The following NWD2 variants were observed in gnomAD, a reference collection of about 807,000 sequenced individuals.
The protein encoded by NWD2 is NACHT and WD repeat domain containing 2.
Under a neutral mutation model 132.7 loss-of-function variants are expected in NWD2, and 37 were observed. The observed-to-expected ratio is 0.28, with a 90% confidence interval of 0.21 to 0.37. NWD2 has a LOEUF of 0.37. Among genes scored for constraint, NWD2 ranks in the 10% least tolerant of loss-of-function variants. The pLI is 1.00. For synonymous variants in NWD2, 705 were observed against 803.0 expected (o/e 0.88, Z 2.06); for missense variants, 1,592 against 2,122.4 (o/e 0.75, Z 4.91).
chr4:37,337,017 G>C (rs964553616), intron 2 of NWD2, among the ~76,000 whole-genome samples: 1 of 149,794 alleles, frequency 6.7e-6, no homozygotes, highest in Non-Finnish European at 1.5e-5. Context: ...TCTTCTATCT[G>C]ACTGCTTTTG....
chr4:37,357,670 C>T (rs574747059), intron 3 of NWD2, among the ~76,000 whole-genome samples: 2 of 152,166 alleles, frequency 1.3e-5, no homozygotes, highest in South Asian at 4.1e-4. Context: ...TTTCCCGGAG[C>T]TTACATTCTA....
chr4:37,311,645 C>T lies in NWD2; in HGVS notation c.152-14291C>T, dbSNP rs900770834. Among the ~76,000 whole-genome samples the T allele has an allele frequency of 2.9e-4, 43 of 148,038 alleles. 1 individual carries two copies. Among genetic ancestry groups the T allele is most frequent in the East Asian group, 8.0e-4 (4 of 5,018 alleles). On this transcript the variant is annotated intron_variant, in intron 1 of 6. Transcript: ENST00000309447. The stretch of plus-strand genomic sequence containing the variant: ...CAGAAGCTCTTTAGTTTAATTAGAT[C>T]CCATTTGTCAATTTTGGCTTTTGTT...
At chr4:37,359,892 G>C (rs1719945247) in intron 3 of NWD2, among the ~76,000 whole-genome samples, 1 of 152,220 alleles carries the variant, frequency 6.6e-6, no homozygotes, top group Non-Finnish European at 1.5e-5. Context: ...AGGTGCTAGA[G>C]TGAGGGAGCC....
chr4:37,409,986 T>A (rs1721121446), intron 3 of NWD2, among the ~76,000 whole-genome samples: 1 of 152,174 alleles, frequency 6.6e-6, no homozygotes, highest in Non-Finnish European at 1.5e-5. Context: ...AGGCCTGCCT[T>A]ACAAGAGCTC....
intron 1 of NWD2, among the ~76,000 whole-genome samples, chr4:37,311,383 A>G (rs1278205517): frequency 6.6e-6 from 1 of 151,960 alleles, no homozygotes; most frequent in East Asian, 1.9e-4. Flanking sequence ...TCTGATGGCC[A>G]GTGATGATGA....
intron 5 of NWD2, among the ~76,000 whole-genome samples, chr4:37,434,916 G>T (rs893993124): frequency 6.6e-6 from 1 of 151,832 alleles, no homozygotes; most frequent in African/African-American, 2.4e-5. Context: ...CAAGGGATTT[G>T]GTAGGATCTA....
At chr4:37,269,170 A>C (rs1717818672) in intron 1 of NWD2, among the ~76,000 whole-genome samples, 3 of 151,898 alleles carry the variant, frequency 2.0e-5, no homozygotes, top group Admixed American at 2.0e-4. Flanking sequence ...ACACATAATC[A>C]TGCGATGATC....
intron 3 of NWD2, among the ~76,000 whole-genome samples, chr4:37,373,808 A>C (rs1193084047): frequency 6.6e-6 from 1 of 152,174 alleles, no homozygotes; most frequent in African/African-American, 2.4e-5. Flanking sequence ...ACAAACATCA[A>C]GTTTGGATTT....
At chr4:37,307,099 G>A (rs1157811159) in intron 1 of NWD2, among the ~76,000 whole-genome samples, 1 of 151,914 alleles carries the variant, frequency 6.6e-6, no homozygotes, top group South Asian at 2.1e-4. Context: ...GAAATGTTCT[G>A]TAAATGTCTG....
At chr4:37,437,098 A>C (rs535649519) in intron 5 of NWD2, among the ~76,000 whole-genome samples, 1 of 152,254 alleles carries the variant, frequency 6.6e-6, no homozygotes, top group African/African-American at 2.4e-5. Context: ...ACCCTTCTTA[A>C]TAGTTACATT....
At chr4:37,415,043 A>G (rs1460960177) in intron 3 of NWD2, among the ~76,000 whole-genome samples, 1 of 152,214 alleles carries the variant, frequency 6.6e-6, no homozygotes, top group African/African-American at 2.4e-5. Flanking sequence ...AATGTCCTTT[A>G]TTTAAGACAT....
intron 1 of NWD2, among the ~76,000 whole-genome samples, chr4:37,277,571 C>T (rs1339564799): frequency 6.6e-6 from 1 of 151,762 alleles, no homozygotes; most frequent in Non-Finnish European, 1.5e-5. Context: ...TTGTAATTTT[C>T]AACTCTAAAT....
At chr4:37,295,905 A>G (rs1348410620) in intron 1 of NWD2, among the ~76,000 whole-genome samples, 1 of 152,202 alleles carries the variant, frequency 6.6e-6, no homozygotes, top group Non-Finnish European at 1.5e-5. Flanking sequence ...CACAGATTCA[A>G]CATTTGTACG....
At chr4:37,276,416 G>T (rs1718014800) in intron 1 of NWD2, among the ~76,000 whole-genome samples, 1 of 152,132 alleles carries the variant, frequency 6.6e-6, no homozygotes, top group African/African-American at 2.4e-5. Flanking sequence ...CAGTTAGAAT[G>T]GCGATCATTA....
chr4:37,320,556 G>T (rs967765750), intron 1 of NWD2, among the ~76,000 whole-genome samples: 2 of 91,298 alleles, frequency 2.2e-5, no homozygotes, highest in Non-Finnish European at 6.2e-5. Flanking sequence ...ACATAAAATT[G>T]AGAAGATTTG....
chr4:37,421,764 T>A (rs1711815110), intron 3 of NWD2, among the ~76,000 whole-genome samples: 1 of 152,242 alleles, frequency 6.6e-6, no homozygotes, highest in Non-Finnish European at 1.5e-5. Flanking sequence ...AAAATCACAT[T>A]CATTTTATTC....
chr4:37,304,000 C>G (rs1718658520), intron 1 of NWD2, among the ~76,000 whole-genome samples: 1 of 152,122 alleles, frequency 6.6e-6, no homozygotes, highest in Non-Finnish European at 1.5e-5. Flanking sequence ...AAGTAGGCAT[C>G]TGTATTAGTC....
chr4:37,263,110 C>T (rs966137569), intron 1 of NWD2, among the ~76,000 whole-genome samples: 1 of 152,154 alleles, frequency 6.6e-6, no homozygotes, highest in African/African-American at 2.4e-5. Flanking sequence ...TGTGATGTCA[C>T]TCCCACCAGG....
At chr4:37,276,272 A>G (rs1718010619) in intron 1 of NWD2, among the ~76,000 whole-genome samples, 1 of 152,182 alleles carries the variant, frequency 6.6e-6, no homozygotes, top group Non-Finnish European at 1.5e-5. Context: ...AAACAACCCC[A>G]TCAAAAAGTG....
Sources: allele counts gnomAD v4.1 joint callset (sites outside exome capture counted in the v4.1 genomes callset), GRCh38; gene constraint gnomAD v4.1.1; transcripts MANE v1.5; gene names NCBI Gene and HGNC (gene_info 2026-07-23, HGNC 2026-07-21).